The following TSBP1 variants were observed in gnomAD, a reference collection of about 807,000 sequenced individuals.
The protein encoded by TSBP1 is testis expressed basic protein 1.
TSBP1 carries 56 observed loss-of-function variants against 68.8 expected under a neutral mutation model. The observed-to-expected ratio is 0.81, with a 90% CI of 0.66 to 1.02. TSBP1 has a LOEUF of 1.02. TSBP1 is among the 50% of genes least tolerant of loss of function. The pLI, the probability that TSBP1 is intolerant of heterozygous loss-of-function variation, is 0.00. For missense variants in TSBP1, 502 were observed against 641.2 expected, an observed-to-expected ratio of 0.78 and a Z score of 2.34; for synonymous variants, 171 against 208.7, an observed-to-expected ratio of 0.82 and a Z score of 1.56.
At chr6:32,339,464 T>C (rs1770082293) in intron 10 of TSBP1, 136 bp downstream of exon 11, 1 of 740,184 alleles carries the variant, frequency 1.4e-6, no homozygotes, top group Admixed American at 1.8e-5. Flanking sequence ...ATTCCTCTGG[T>C]AGCAGGCACA....
rs565601448 is a variant in TSBP1, at chr6:32,314,992, G to C, written c.580+780C>G. ...CTCGCTCATTTACTGACCTGCCTGG[G>C]CTCTTTTGGCATCTGCGTTTTTAAC... On this transcript the variant is annotated intron_variant, in intron 19 of 22. Coordinates refer to ENST00000612031, the Ensembl canonical transcript of TSBP1. This position sits in a 1 kb window ranked among gnomAD's most constrained non-coding sequence, Gnocchi z 4.2. 2.0e-5 allele frequency among the ~76,000 whole-genome samples: 3 copies of C among 152,238 alleles called. No individual in the cohort carries two copies. The highest frequency in any genetic ancestry group is 7.2e-5 in the African/African-American group (3 of 41,544).
intron 1 of TSBP1, among the ~76,000 whole-genome samples, chr6:32,370,407 GTATATATATATATATATATATATA>G (rs9279612): frequency 8.4e-5 from 11 of 130,688 alleles, no homozygotes; most frequent in East Asian, 2.2e-4. Context: ...AAGATTTTCT[GTATATATATATATATATATATATA>G]TATATATATA....
In TSBP1 at chr6:32,336,179, C is replaced by G. The variant is rs533129787; in HGVS notation, c.431-247G>C. 1.2e-4 allele frequency among the ~76,000 whole-genome samples: 19 copies of G among 152,314 alleles called. No homozygotes were observed. In the South Asian group the frequency reaches 2.5e-3, roughly 20 times the overall value. On this transcript the variant is annotated intron_variant, in intron 12 of 22. Transcript: ENST00000612031. This position sits in a 1 kb window ranked among gnomAD's most constrained non-coding sequence, Gnocchi z 5.2. Reference sequence around the variant, plus strand: ...TTCAGAGGGTTGGGAAAGACTCACTCCATATTAATCTGTTATGCCTCTATT... The same window carrying G: ...TTCAGAGGGTTGGGAAAGACTCACTGCATATTAATCTGTTATGCCTCTATT...
chr6:32,342,373 C>T (rs1469162262), intron 9 of TSBP1, among the ~76,000 whole-genome samples: 1 of 152,026 alleles, frequency 6.6e-6, no homozygotes, highest in Non-Finnish European at 1.5e-5. Flanking sequence ...AGGCTGGTCT[C>T]GAACTCCTGA....
intron 4 of TSBP1, among the ~76,000 whole-genome samples, 195 bp downstream of exon 4, chr6:32,367,727 TAAG>T (rs1319382150): frequency 1.3e-5 from 2 of 152,174 alleles, no homozygotes; most frequent in Non-Finnish European, 2.9e-5. Context: ...TTGATGGTCT[TAAG>T]AAGGAGAACT....
chr6:32,329,767 C>G (rs1768702829), intron 16 of TSBP1, among the ~76,000 whole-genome samples: 1 of 152,088 alleles, frequency 6.6e-6, no homozygotes, highest in Admixed American at 6.6e-5. Context: ...TGTGACTTGC[C>G]CTCTGATAAT....
At chr6:32,329,746 G>A (rs1768701119) in intron 16 of TSBP1, among the ~76,000 whole-genome samples, 1 of 152,186 alleles carries the variant, frequency 6.6e-6, no homozygotes, top group Non-Finnish European at 1.5e-5. Flanking sequence ...AGGAATGTTT[G>A]TTTGAATATA....
At chr6:32,370,550 T>A (rs1774292023) in intron 1 of TSBP1, among the ~76,000 whole-genome samples, 1 of 151,780 alleles carries the variant, frequency 6.6e-6, no homozygotes, top group South Asian at 2.1e-4. Flanking sequence ...TGAAGGGTGC[T>A]GACTGAAGGT....
chr6:32,335,386 G>T lies in TSBP1; in HGVS notation c.472+51C>A. On this transcript the variant is annotated intron_variant, in intron 14 of 22. Coordinates refer to ENST00000612031, the Ensembl canonical transcript of TSBP1. This position sits in a 1 kb window ranked among gnomAD's most constrained non-coding sequence, Gnocchi z 5.5. ...ATAATTGAAATAAAAATAGATTGAT[G>T]TTCTAAGTAAAGTACTAAAAGGCAT... 6.8e-7 allele frequency: 1 copy of T among 1,461,392 alleles called. No individual in the cohort carries two copies. The highest frequency in any genetic ancestry group is 9.1e-7 in the Non-Finnish European group (1 of 1,098,740). 90.5% of individuals were successfully genotyped at this position (1,461,392 alleles called of 1,614,324 possible).
chr6:32,343,302 T>A lies in TSBP1; in HGVS notation c.350-3664A>T. The stretch of plus-strand genomic sequence containing the variant: ...TATTCAAGTCAGTCTAAAGTTTCAA[T>A]AATCCATCAATTTCCCAAAAGTCTT... On this transcript the variant is annotated intron_variant, in intron 9 of 22. Transcript: ENST00000612031. This position sits in a 1 kb window ranked among gnomAD's most constrained non-coding sequence, Gnocchi z 4.3. 7.9e-7 allele frequency: 1 copy of A among 1,267,804 alleles called. No individual in the cohort carries two copies. 78.5% of individuals were successfully genotyped at this position (1,267,804 alleles called of 1,614,324 possible).
chr6:32,349,195 CTT>C (rs9279592), intron 9 of TSBP1, among the ~76,000 whole-genome samples: 20,226 of 134,280 alleles, frequency 0.15, 1,982 homozygotes, highest in African/African-American at 0.31. Context: ...CCATTTCTTT[CTT>C]TTTTTTTTTT....
rs1413145192 is a variant in TSBP1 at position 32,314,739 on chromosome 6, C to T, written c.580+1033G>A. Among the ~76,000 whole-genome samples, 1 of 152,162 alleles carries T rather than the reference C, an allele frequency of 6.6e-6. No homozygotes were observed. The highest frequency in any genetic ancestry group is 1.5e-5 in the Non-Finnish European group (1 of 68,036). On this transcript the variant is annotated intron_variant, in intron 19 of 22. Coordinates refer to ENST00000612031, the Ensembl canonical transcript of TSBP1. This position sits in a 1 kb window ranked among gnomAD's most constrained non-coding sequence, Gnocchi z 4.2. ...ATATCCAGAGTGTGTTTAGAAGGAA[C>T]TGGAGGAGGATATATAAGCATATTT... is the stretch of plus-strand genomic sequence containing the variant.
chr6:32,342,166 G>GT, intron 9 of TSBP1, among the ~76,000 whole-genome samples: 1 of 140,308 alleles, frequency 7.1e-6, no homozygotes, highest in South Asian at 2.3e-4. Context: ...TCACTTCTCT[G>GT]TTCTTTTTTT....
intron 21 of TSBP1, 82 bp downstream of exon 24, chr6:32,300,598 G>C (rs923637947): frequency 3.2e-6 from 4 of 1,235,624 alleles, no homozygotes; most frequent in Non-Finnish European, 4.8e-6. Context: ...AGAGGAACTC[G>C]TAACACAAGA....
intron 6 of TSBP1, among the ~76,000 whole-genome samples, chr6:32,356,612 C>T (rs575594390): frequency 6.3e-4 from 96 of 152,012 alleles, no homozygotes; most frequent in African/African-American, 2.2e-3. Context: ...CCCAGCTACT[C>T]AGGAGGCTGA....
intron 1 of TSBP1, 27 bp from the exon 2 acceptor site, chr6:32,370,010 A>T (rs1382547334): frequency 6.9e-7 from 1 of 1,440,056 alleles, no homozygotes; most frequent in Non-Finnish European, 9.8e-7. Flanking sequence ...ACCTGTAAAC[A>T]TGCTTATTTA....
chr6:32,329,883 C>G (rs75052715), intron 16 of TSBP1, among the ~76,000 whole-genome samples: 50,907 of 151,890 alleles, frequency 0.34, 9,537 homozygotes, highest in Middle Eastern at 0.52. Context: ...ACACCAGTTT[C>G]TCCCTAGCTC....
chr6:32,367,961 GA>G lies in TSBP1; in HGVS notation c.134-5del. On this transcript the variant is annotated splice_region_variant and splice_polypyrimidine_tract_variant and intron_variant, in intron 3 of 22. Coordinates refer to ENST00000612031, the Ensembl canonical transcript of TSBP1. ...TCATAGTCCAGAAGTCTAGCACCTA[GA>G]AAAAAAGGGAGAGCACATGATTTTG... The G allele has an allele frequency of 6.2e-7, 1 of 1,601,292 alleles. No individual in the cohort carries two copies. The highest frequency in any genetic ancestry group is 8.5e-7 in the Non-Finnish European group (1 of 1,173,484).
At chr6:32,339,605 G>C in exon 10 of TSBP1, 2 of 1,239,068 alleles carry the variant, frequency 1.6e-6, no homozygotes, top group Non-Finnish European at 2.3e-6. Flanking sequence ...CTTACAAGGA[G>C]GTTCTTCAGT....
Sources: allele counts gnomAD v4.1 joint callset (sites outside exome capture counted in the v4.1 genomes callset), GRCh38; gene constraint gnomAD v4.1.1; non-coding constraint Gnocchi (gnomAD v3.1); transcripts MANE v1.5; gene names NCBI Gene and HGNC (gene_info 2026-07-23, HGNC 2026-07-21).